CPSF3: variants seen among roughly 807,000 people sequenced by gnomAD.
The protein encoded by CPSF3 is cleavage and polyadenylation specific factor 3.
A neutral mutation model predicts 84.1 loss-of-function variants in CPSF3; 57 were observed. The ratio of observed to expected loss-of-function variants is 0.68; its 90% CI spans 0.55 to 0.85. CPSF3 has a LOEUF of 0.85. Ranked by LOEUF, CPSF3 falls within the 40% of genes least tolerant of loss-of-function variation. The pLI, the probability that CPSF3 is intolerant of heterozygous loss-of-function variation, is 0.00. For missense variants in CPSF3, 522 were observed against 838.8 expected, an observed-to-expected ratio of 0.62 and a Z score of 4.66; for synonymous variants, 275 against 278.1, an observed-to-expected ratio of 0.99 and a Z score of 0.11.
chr2:9,459,638 C>CTTTTTTTTTT lies in CPSF3; in HGVS notation c.1786+39_1786+48dup, dbSNP rs543727439. 32 of 310,494 alleles carry CTTTTTTTTTT rather than the reference C, an allele frequency of 1.0e-4. 4 individuals carry two copies. In the African/African-American group the frequency reaches 1.3e-3, roughly 12 times the overall value. 19.2% of individuals were successfully genotyped at this position (310,494 alleles called of 1,614,324 possible). ...GAAAAGGTAAGAGTTCATTTTTATC[C>CTTTTTTTTTT]TTTTTTTTTTTTTTTTTTTTTTTTT... On this transcript the variant is annotated intron_variant, in intron 15 of 17. Transcript: ENST00000238112.
intron 7 of CPSF3, among the ~76,000 whole-genome samples, chr2:9,439,413 C>G (rs556338423): frequency 6.8e-6 from 1 of 146,190 alleles, no homozygotes; most frequent in Admixed American, 7.1e-5. Context: ...GCGGAACTTG[C>G]AGTGAGCGGA....
chr2:9,460,738 T>G (rs952202568), intron 15 of CPSF3, among the ~76,000 whole-genome samples: 2 of 151,490 alleles, frequency 1.3e-5, no homozygotes, highest in Non-Finnish European at 2.9e-5. Flanking sequence ...CTCAAATGCC[T>G]GGGGCTCAAA....
At chr2:9,453,899 G>A (rs1206696686) in intron 12 of CPSF3, among the ~76,000 whole-genome samples, 2 of 152,016 alleles carry the variant, frequency 1.3e-5, no homozygotes, top group Non-Finnish European at 2.9e-5. Flanking sequence ...CAAAAAAAAG[G>A]AAAAATTGCA....
intron 15 of CPSF3, among the ~76,000 whole-genome samples, chr2:9,460,761 G>A (rs1006286962): frequency 1.5e-4 from 22 of 147,888 alleles, no homozygotes; most frequent in Non-Finnish European, 2.5e-4. Flanking sequence ...ATCCTCTCAC[G>A]TCAGCCTCCT....
intron 7 of CPSF3, among the ~76,000 whole-genome samples, chr2:9,437,790 C>T (rs990672646): frequency 1.3e-5 from 2 of 152,134 alleles, no homozygotes; most frequent in Admixed American, 1.3e-4. Context: ...CACTTGAGCC[C>T]AGGAATTTAA....
intron 7 of CPSF3, 135 bp from the exon 8 acceptor site, chr2:9,440,356 C>G: frequency 2.6e-6 from 2 of 766,508 alleles, no homozygotes; most frequent in Non-Finnish European, 4.0e-6. Context: ...TTTGCTTAAA[C>G]TCTTTAAAAT....
At chr2:9,466,348 GCGCGCACACA>G (rs1681964344) in intron 15 of CPSF3, among the ~76,000 whole-genome samples, 1 of 112,448 alleles carries the variant, frequency 8.9e-6, no homozygotes, top group Non-Finnish European at 1.9e-5. Context: ...ACACGCGCGC[GCGCGCACACA>G]CACACGCACA....
rs1436926249 is a variant in CPSF3, at chr2:9,452,923, T to A, written c.1406T>A (p.Phe469Tyr). The A allele has an allele frequency of 1.3e-6, 2 of 1,596,928 alleles. No individual in the cohort carries two copies. The highest frequency in any genetic ancestry group is 2.7e-5 in the African/African-American group (2 of 73,616). ...RGEKLAKVMG[F>Y]LADKKPEQGQ... The stretch of plus-strand genomic sequence containing the variant: ...ATTTTTTTTTTACAGGTTATGGGAT[T>A]TTTAGCAGACAAAAAACCAGAACAA... The change falls in exon 12 of 18, where the codon TTT becomes TAT. Residue 469 changes from phenylalanine to tyrosine, a missense_variant. This residue lies in a region of CPSF3 where 329 missense variants were observed against 607.2 expected (regional missense o/e 0.54). Coordinates refer to ENST00000238112, the MANE Select transcript of CPSF3 (RefSeq NM_016207.4).
At chr2:9,446,473 C>T (rs1411312911) in intron 10 of CPSF3, among the ~76,000 whole-genome samples, 3 of 150,698 alleles carry the variant, frequency 2.0e-5, no homozygotes, top group South Asian at 2.1e-4. Flanking sequence ...CCCAGCTACT[C>T]GGGAGGCCGA....
chr2:9,460,187 G>C (rs191557716), intron 15 of CPSF3, among the ~76,000 whole-genome samples: 3 of 151,998 alleles, frequency 2.0e-5, no homozygotes, highest in Non-Finnish European at 4.4e-5. Flanking sequence ...AAAAATAATT[G>C]AGTCAGGCCG....
chr2:9,433,375 T>G (rs1680665886), intron 5 of CPSF3, among the ~76,000 whole-genome samples: 1 of 152,238 alleles, frequency 6.6e-6, no homozygotes, highest in Non-Finnish European at 1.5e-5. Flanking sequence ...CAGCTGCTTA[T>G]ACATTTGGAA....
chr2:9,460,571 G>A (rs1681697654), intron 15 of CPSF3, among the ~76,000 whole-genome samples: 1 of 152,036 alleles, frequency 6.6e-6, no homozygotes, highest in African/African-American at 2.4e-5. Flanking sequence ...CTCCCTATGG[G>A]ACAATTTGCA....
chr2:9,438,026 G>A (rs957639255), intron 7 of CPSF3, among the ~76,000 whole-genome samples: 2 of 152,216 alleles, frequency 1.3e-5, no homozygotes, highest in African/African-American at 2.4e-5. Context: ...AATAAAATGG[G>A]TGCTTTGCAT....
At chr2:9,427,399 G>T (rs939186982) in intron 1 of CPSF3, among the ~76,000 whole-genome samples, 2 of 152,078 alleles carry the variant, frequency 1.3e-5, no homozygotes, top group Non-Finnish European at 2.9e-5. Context: ...GTGAAGAAGA[G>T]GATAGAAGGT....
intron 16 of CPSF3, among the ~76,000 whole-genome samples, chr2:9,468,619 CTT>C (rs5829213): frequency 0.017 from 1,846 of 107,692 alleles, 13 homozygotes; most frequent in African/African-American, 0.075. Context: ...CTACACTGAC[CTT>C]TTTTTTTTTT....
At chr2:9,445,481 G>A (rs548069862) in intron 10 of CPSF3, among the ~76,000 whole-genome samples, 2 of 152,222 alleles carry the variant, frequency 1.3e-5, no homozygotes, top group Admixed American at 6.5e-5. Flanking sequence ...TCTTTTGTTC[G>A]TTTTTGAGTT....
At chr2:9,467,619 T>C (rs775386458) in intron 15 of CPSF3, 88 bp from the exon 16 acceptor site, 8 of 927,832 alleles carry the variant, frequency 8.6e-6, no homozygotes, top group Non-Finnish European at 1.3e-5. Context: ...CTTTAACTTA[T>C]CAGTAACCAG....
At chr2:9,423,997 A>G (rs1680226484) in intron 1 of CPSF3, 174 bp downstream of exon 1, 1 of 1,423,622 alleles carries the variant, frequency 7.0e-7, no homozygotes, top group Admixed American at 2.9e-5. Flanking sequence ...CGTTGATCGG[A>G]AGGGGCCTGC....
At chr2:9,430,984 G>A in intron 4 of CPSF3, 104 bp downstream of exon 4, 2 of 788,256 alleles carry the variant, frequency 2.5e-6, no homozygotes, top group East Asian at 2.5e-5. Context: ...CCCTTTTCAT[G>A]TATAAGGATA....
Sources: allele counts gnomAD v4.1 joint callset (sites outside exome capture counted in the v4.1 genomes callset), GRCh38; gene constraint gnomAD v4.1.1; regional missense constraint gnomAD v4.1.1; transcripts MANE v1.5; gene names NCBI Gene and HGNC (gene_info 2026-07-23, HGNC 2026-07-21).